The following RHOH variants were observed in gnomAD, a reference collection of about 807,000 sequenced individuals.
RHOH encodes ras homolog family member H.
Under a neutral mutation model 13.8 loss-of-function variants are expected in RHOH, and 6 were observed. The ratio of observed to expected loss-of-function variants is 0.44; its 90% confidence interval spans 0.24 to 0.86. RHOH has a LOEUF of 0.86. Ranked by LOEUF, RHOH falls within the 40% of genes least tolerant of loss-of-function variation. RHOH has a pLI of 0.24. For missense variants in RHOH, 147 were observed against 244.5 expected, an observed-to-expected ratio of 0.60 and a Z score of 2.66; for synonymous variants, 117 against 103.0, an observed-to-expected ratio of 1.14 and a Z score of -0.82.
At position 40,245,090 on chromosome 4, in the gene RHOH, A is replaced by C. The variant is rs1729679685; in HGVS notation, c.*1128A>C. On this transcript the variant is annotated 3_prime_UTR_variant, in exon 3 of 3. Transcript: ENST00000381799. ...GCTATATAGCAACTGCTCAGAGAAC[A>C]GAAAGTTATCAGGGGAAATACTGAA... 3.9e-5 allele frequency: 6 copies of C among 152,226 alleles called. No homozygotes were observed. The allele number at this position is 152,226 out of a possible 1,614,324, so 9.4% of individuals were successfully genotyped here.
At chr4:40,230,107 C>T (rs1319804995) in intron 1 of RHOH, among the ~76,000 whole-genome samples, 3 of 152,112 alleles carry the variant, frequency 2.0e-5, no homozygotes, top group South Asian at 4.2e-4. Context: ...TGCAGTGGCA[C>T]GATCCCCCCT....
In RHOH at chr4:40,231,318, A is replaced by ATTTT. The variant is rs3071888; in HGVS notation, c.-330-11379_-330-11376dup. Reference sequence around the variant, plus strand: ...TGCAAGACCCACCTATTCTTAGGTGATTTTTTTTTTTTTTTTTTTTGCTAT... The same window carrying ATTTT: ...TGCAAGACCCACCTATTCTTAGGTGATTTTTTTTTTTTTTTTTTTTTTTTGCTAT... On this transcript the variant is annotated intron_variant, in intron 1 of 2. Transcript: ENST00000381799. 8.2e-3 allele frequency among the ~76,000 whole-genome samples: 1,048 copies of ATTTT among 127,668 alleles called. 35 individuals carry two copies. The highest frequency in any genetic ancestry group is 0.063 in the East Asian group (273 of 4,340). 83.8% of individuals were successfully genotyped at this position (127,668 alleles called of 152,430 possible). A position where few individuals can be genotyped will look rare whatever the true frequency, so the allele number is the denominator to read the frequency against.
rs1729444924 is a variant in RHOH at position 40,243,052 on chromosome 4, G to A, written c.-209-126G>A. The A allele has an allele frequency of 2.0e-5, 5 of 244,542 alleles. No homozygotes were observed. The highest frequency in any genetic ancestry group is 5.3e-5 in the Admixed American group (1 of 18,956). 15.1% of individuals were successfully genotyped at this position (244,542 alleles called of 1,614,324 possible). The stretch of plus-strand genomic sequence containing the variant: ...GAGGGGAAGAGTGGATTGCACAAGC[G>A]GGGTTGGATGGCTACACTGAGATTA... On this transcript the variant is annotated intron_variant, in intron 2 of 2. Transcript: ENST00000381799. This position sits in a 1 kb window ranked among gnomAD's most constrained non-coding sequence, Gnocchi z 6.2.
chr4:40,199,065 A>G (rs1723612234), intron 1 of RHOH, among the ~76,000 whole-genome samples: 1 of 152,138 alleles, frequency 6.6e-6, no homozygotes, highest in Non-Finnish European at 1.5e-5. Context: ...GGGCTGTGGG[A>G]ACCTCAGACA....
chr4:40,199,931 TGTGCAGG>T (rs1723742130), intron 1 of RHOH, among the ~76,000 whole-genome samples: 1 of 152,202 alleles, frequency 6.6e-6, no homozygotes, highest in Admixed American at 6.5e-5. Flanking sequence ...GCATGTTAAT[TGTGCAGG>T]GGATTCCTAA....
chr4:40,236,885 T>C (rs1251956137), intron 1 of RHOH, among the ~76,000 whole-genome samples: 1 of 151,972 alleles, frequency 6.6e-6, no homozygotes, highest in Non-Finnish European at 1.5e-5. Context: ...TATGGTGAAA[T>C]ACGGAACTAA....
chr4:40,192,116 C>T (rs2109323832), upstream of RHOH, among the ~76,000 whole-genome samples: 1 of 152,116 alleles, frequency 6.6e-6, no homozygotes, highest in Non-Finnish European at 1.5e-5. Context: ...TTATAGTTCC[C>T]ATCATGAAAT....
chr4:40,238,761 GCTCTCGTAA>G (rs1257898730), intron 1 of RHOH, among the ~76,000 whole-genome samples: 1 of 152,184 alleles, frequency 6.6e-6, no homozygotes, highest in African/African-American at 2.4e-5. Context: ...CACCCATGAC[GCTCTCGTAA>G]CTCTTCCGTA....
chr4:40,209,186 T>C (rs1390417174), intron 1 of RHOH, among the ~76,000 whole-genome samples: 1 of 152,170 alleles, frequency 6.6e-6, no homozygotes, highest in African/African-American at 2.4e-5. Flanking sequence ...CCTAAGTCTA[T>C]AATTAAATTG....
At position 40,237,884 on chromosome 4, in the gene RHOH, C is replaced by T. The variant is rs147151777; in HGVS notation, c.-330-4830C>T. Among the ~76,000 whole-genome samples, 28 of 152,264 alleles carry T rather than the reference C, an allele frequency of 1.8e-4. 1 individual carries two copies. Among genetic ancestry groups the T allele is most frequent in the Admixed American group, 1.6e-3 (25 of 15,278 alleles). The stretch of plus-strand genomic sequence containing the variant: ...ACTTCAAACCTGCAATAATAACAAT[C>T]GGTTAATAATAGTCATAATTTCACT... On this transcript the variant is annotated intron_variant, in intron 1 of 2. Transcript: ENST00000381799.
At chr4:40,238,173 G>A (rs927467567) in intron 1 of RHOH, among the ~76,000 whole-genome samples, 8 of 149,854 alleles carry the variant, frequency 5.3e-5, no homozygotes, top group Non-Finnish European at 1.2e-4. Context: ...AACACAGCAG[G>A]GGGCATCTGA....
intron 1 of RHOH, among the ~76,000 whole-genome samples, chr4:40,201,157 T>C (rs748255936): frequency 3.3e-5 from 5 of 152,244 alleles, no homozygotes; most frequent in Non-Finnish European, 5.9e-5. Context: ...ATCATTTGTA[T>C]ACATGACCTC....
At position 40,245,777 on chromosome 4, in the gene RHOH, G is replaced by A. The variant is rs962149300; in HGVS notation, c.*1815G>A. 6.6e-6 allele frequency: 1 copy of A among 152,124 alleles called. No individual in the cohort carries two copies. The highest frequency in any genetic ancestry group is 6.5e-5 in the Admixed American group (1 of 15,278). 9.4% of individuals were successfully genotyped at this position (152,124 alleles called of 1,614,324 possible). A position where few individuals can be genotyped will look rare whatever the true frequency, so the allele number is the denominator to read the frequency against. On this transcript the variant is annotated 3_prime_UTR_variant, in exon 3 of 3. Transcript: ENST00000381799. ...ACCAGTTTCTCTGTTCCCTTGTGTG[G>A]TCAATTCCTTACAGCTATAATCAGT... is the stretch of plus-strand genomic sequence containing the variant.
At chr4:40,194,109 T>C (rs924111874), upstream of RHOH, among the ~76,000 whole-genome samples, 2 of 152,214 alleles carry the variant, frequency 1.3e-5, no homozygotes, top group Non-Finnish European at 2.9e-5. Flanking sequence ...GGATCTCCTG[T>C]TGGAGGGGCA....
upstream of RHOH, among the ~76,000 whole-genome samples, chr4:40,195,833 C>T (rs1723082276): frequency 6.6e-6 from 1 of 152,214 alleles, no homozygotes; most frequent in East Asian, 1.9e-4. Context: ...TCTTACTGTG[C>T]ATTAACAAAT....
chr4:40,192,697 T>C (rs1722752690), upstream of RHOH, among the ~76,000 whole-genome samples: 1 of 152,206 alleles, frequency 6.6e-6, no homozygotes, highest in African/African-American at 2.4e-5. Context: ...AAAGTAAGTC[T>C]TTGCTTTTTC....
chr4:40,216,730 T>C (rs2109429809), intron 1 of RHOH, among the ~76,000 whole-genome samples: 1 of 152,354 alleles, frequency 6.6e-6, no homozygotes, highest in South Asian at 2.1e-4. Flanking sequence ...CAATCAAATC[T>C]ATGATTTCAT....
At chr4:40,205,941 A>G (rs891544949) in intron 1 of RHOH, 3 of 152,262 alleles carry the variant, frequency 2.0e-5, no homozygotes, top group East Asian at 3.8e-4. Context: ...GTGTGCCTTC[A>G]TGTCTATAAC....
chr4:40,198,557 C>G (rs1373353491), intron 1 of RHOH, among the ~76,000 whole-genome samples: 2 of 152,180 alleles, frequency 1.3e-5, no homozygotes, highest in Non-Finnish European at 2.9e-5. Context: ...GTGGCCTCTT[C>G]CCACTTGGGG....
Sources: gnomAD v4.1 joint callset for allele counts (sites outside exome capture counted in the v4.1 genomes callset) on GRCh38, gnomAD v4.1.1 for gene constraint, Gnocchi (gnomAD v3.1) non-coding constraint, MANE v1.5 for transcripts, NCBI Gene and HGNC (gene_info 2026-07-23, HGNC 2026-07-21) for gene names.